The following GALNT17 variants were observed in gnomAD, a reference collection of about 807,000 sequenced individuals.
GALNT17 encodes the protein UDP-GalNAc:polypeptide N-acetylgalactosaminyltransferase-like 3.
Under a neutral mutation model 63.7 loss-of-function variants are expected in GALNT17, and 29 were observed. The ratio of observed to expected loss-of-function variants is 0.46; its 90% CI spans 0.34 to 0.62. GALNT17 has a LOEUF of 0.62. Among genes scored for constraint, GALNT17 ranks in the 20% least tolerant of loss-of-function variants. The probability of loss-of-function intolerance (pLI) is 0.01; values close to 1 mark genes in which losing one functional copy is unlikely to be tolerated. For missense variants in GALNT17, 603 were observed against 799.6 expected, an observed-to-expected ratio of 0.75 and a Z score of 2.97; for synonymous variants, 305 against 318.3, an observed-to-expected ratio of 0.96 and a Z score of 0.45.
chr7:71,394,952 A>G (rs1328578214), intron 3 of GALNT17, among the ~76,000 whole-genome samples: 1 of 152,000 alleles, frequency 6.6e-6, no homozygotes, highest in East Asian at 1.9e-4. Flanking sequence ...AAATACAAAA[A>G]TTAGCTGGGT....
At chr7:71,305,985 G>T (rs1033638733) in intron 1 of GALNT17, among the ~76,000 whole-genome samples, 1 of 152,192 alleles carries the variant, frequency 6.6e-6, no homozygotes, top group African/African-American at 2.4e-5. Flanking sequence ...TTGGGAGGCT[G>T]AGGCAGGCGG....
chr7:71,517,789 G>T (rs1442665214), intron 5 of GALNT17, among the ~76,000 whole-genome samples: 2 of 152,194 alleles, frequency 1.3e-5, no homozygotes, highest in East Asian at 3.8e-4. Context: ...ACACACTACA[G>T]TAGGGAGATA....
chr7:71,225,902 G>A (rs909585099), intron 1 of GALNT17, among the ~76,000 whole-genome samples: 7 of 151,864 alleles, frequency 4.6e-5, no homozygotes, highest in Non-Finnish European at 1.0e-4. Flanking sequence ...ACACTATTAG[G>A]TTAAAAAAAG....
At chr7:71,144,108 C>T (rs145678096) in intron 1 of GALNT17, among the ~76,000 whole-genome samples, 141 of 152,258 alleles carry the variant, frequency 9.3e-4, no homozygotes, top group Non-Finnish European at 1.3e-3. Context: ...GATCTCTGAC[C>T]TGAGCCCTCT....
intron 6 of GALNT17, among the ~76,000 whole-genome samples, chr7:71,593,388 C>T (rs1789839663): frequency 6.6e-6 from 1 of 150,520 alleles, no homozygotes; most frequent in African/African-American, 2.5e-5. Context: ...GCCTCAGCCT[C>T]TCGAATAGCT....
intron 7 of GALNT17, 59 bp downstream of exon 7, chr7:71,665,655 CTATT>C: frequency 2.0e-6 from 3 of 1,532,272 alleles, no homozygotes; most frequent in South Asian, 1.2e-5. Context: ...TGTTTGATCA[CTATT>C]TATTTAATAA....
chr7:71,340,912 C>CTTG (rs1277643373), intron 2 of GALNT17, among the ~76,000 whole-genome samples: 1 of 152,050 alleles, frequency 6.6e-6, no homozygotes, highest in Admixed American at 6.5e-5. Flanking sequence ...GTGGTGCATG[C>CTTG]TTGTAATTCC....
intron 5 of GALNT17, among the ~76,000 whole-genome samples, chr7:71,435,892 C>T (rs1232487901): frequency 5.9e-5 from 9 of 151,886 alleles, no homozygotes; most frequent in East Asian, 1.9e-4. Flanking sequence ...TGGTGGCGGA[C>T]GCCTGTAGTC....
At chr7:71,179,654 G>A (rs1490141001) in intron 1 of GALNT17, among the ~76,000 whole-genome samples, 2 of 151,738 alleles carry the variant, frequency 1.3e-5, no homozygotes, top group Non-Finnish European at 2.9e-5. Flanking sequence ...CACAGATTTT[G>A]TGGGCTTGCA....
intron 2 of GALNT17, among the ~76,000 whole-genome samples, chr7:71,345,159 T>G (rs201212678): frequency 0.014 from 2,101 of 145,050 alleles, 24 homozygotes; most frequent in Non-Finnish European, 0.022. Flanking sequence ...TTTTTTTTTT[T>G]GTTTTTTTTT....
intron 5 of GALNT17, among the ~76,000 whole-genome samples, chr7:71,425,468 C>T (rs757193262): frequency 9.2e-5 from 14 of 152,116 alleles, no homozygotes; most frequent in African/African-American, 1.7e-4. Context: ...GTGATCCACC[C>T]GTCTCAGCCT....
At chr7:71,244,343 G>A (rs55724524) in intron 1 of GALNT17, among the ~76,000 whole-genome samples, 11,346 of 152,236 alleles carry the variant, frequency 0.075, 584 homozygotes, top group African/African-American at 0.15. Flanking sequence ...TTGGAGTTCT[G>A]ACACCTAACA....
intron 2 of GALNT17, among the ~76,000 whole-genome samples, chr7:71,386,781 G>A (rs1285409234): frequency 1.3e-5 from 2 of 152,200 alleles, no homozygotes; most frequent in African/African-American, 4.8e-5. Context: ...ACTTCCCGAA[G>A]AAGAGCTGGT....
At chr7:71,577,672 G>A (rs1001173341) in intron 6 of GALNT17, among the ~76,000 whole-genome samples, 1 of 152,126 alleles carries the variant, frequency 6.6e-6, no homozygotes, top group African/African-American at 2.4e-5. Flanking sequence ...GATGAGTGAT[G>A]GGCAAAGAAC....
intron 5 of GALNT17, among the ~76,000 whole-genome samples, chr7:71,555,176 C>G (rs1222313526): frequency 1.3e-5 from 2 of 151,778 alleles, no homozygotes; most frequent in African/African-American, 4.8e-5. Flanking sequence ...CCCTCATGAC[C>G]CAAACAGGTC....
intron 5 of GALNT17, among the ~76,000 whole-genome samples, chr7:71,449,139 G>A (rs71551205): frequency 7.3e-5 from 4 of 54,910 alleles, no homozygotes; most frequent in Non-Finnish European, 1.2e-4. Context: ...TTGAGGCAGA[G>A]TCTCGCTCTG....
intron 5 of GALNT17, among the ~76,000 whole-genome samples, chr7:71,423,808 G>A (rs1171166772): frequency 6.6e-6 from 1 of 152,028 alleles, no homozygotes; most frequent in Non-Finnish European, 1.5e-5. Context: ...TGTAATCTCA[G>A]CTACCCAGGA....
intron 1 of GALNT17, chr7:71,284,092 T>G (rs761636580): frequency 6.6e-6 from 1 of 152,262 alleles, no homozygotes; most frequent in African/African-American, 2.4e-5. Context: ...GTGGAAGCTT[T>G]GTTTTTTCGC....
chr7:71,356,909 G>A (rs1792297339), intron 2 of GALNT17, among the ~76,000 whole-genome samples: 1 of 152,082 alleles, frequency 6.6e-6, no homozygotes, highest in Non-Finnish European at 1.5e-5. Context: ...AGCCTCCCAA[G>A]TAGCTGGGAT....
Sources: allele counts gnomAD v4.1 joint callset (sites outside exome capture counted in the v4.1 genomes callset), GRCh38; gene constraint gnomAD v4.1.1; transcripts MANE v1.5; gene names NCBI Gene and HGNC (gene_info 2026-07-23, HGNC 2026-07-21).